SLAIN1: variants seen among roughly 807,000 people sequenced by gnomAD.
SLAIN1 encodes SLAIN family member 1, also known as SLAIN motif-containing protein 1.
SLAIN1 carries 17 observed loss-of-function variants against 55.4 expected under a neutral mutation model. That is an observed-to-expected ratio of 0.31 (90% confidence interval 0.21 to 0.46). SLAIN1 has a LOEUF of 0.46. SLAIN1 is among the 20% of genes least tolerant of loss of function. SLAIN1 has a pLI of 1.00. For missense variants in SLAIN1, 682 were observed against 785.1 expected (o/e 0.87, Z 1.57); for synonymous variants, 348 against 337.4 (o/e 1.03, Z -0.35).
intron 4 of SLAIN1, among the ~76,000 whole-genome samples, chr13:77,748,694 A>C (rs1874008796): frequency 6.6e-6 from 1 of 152,158 alleles, no homozygotes; most frequent in Admixed American, 6.6e-5. Context: ...TAGTTTTCAC[A>C]ATACAAGAAA....
At chr13:77,708,947 G>A (rs1187569950) in intron 1 of SLAIN1, among the ~76,000 whole-genome samples, 2 of 151,936 alleles carry the variant, frequency 1.3e-5, no homozygotes, top group Non-Finnish European at 2.9e-5. Flanking sequence ...TTCAGAAGGT[G>A]GGTAATAACA....
chr13:77,737,010 C>T (rs1873153313), intron 2 of SLAIN1, among the ~76,000 whole-genome samples: 1 of 152,064 alleles, frequency 6.6e-6, no homozygotes, highest in South Asian at 2.1e-4. Flanking sequence ...CTGTTTGTCT[C>T]TCTAGCCCTC....
chr13:77,735,920 T>C (rs1040541933), intron 2 of SLAIN1, among the ~76,000 whole-genome samples: 1 of 152,098 alleles, frequency 6.6e-6, no homozygotes, highest in African/African-American at 2.4e-5. Flanking sequence ...TGGTTTTTTT[T>C]TTCCTCTTAA....
At chr13:77,743,213 C>T (rs1342402011) in intron 2 of SLAIN1, 5 of 1,233,450 alleles carry the variant, frequency 4.1e-6, no homozygotes, top group Non-Finnish European at 5.3e-6. Context: ...AATTCAGTTA[C>T]TAAACACGGC....
intron 2 of SLAIN1, among the ~76,000 whole-genome samples, chr13:77,728,162 CT>C (rs2091325305): frequency 6.6e-6 from 1 of 152,130 alleles, no homozygotes; most frequent in Non-Finnish European, 1.5e-5. Context: ...GCCCATCTTT[CT>C]AACCCCCCTC....
At chr13:77,730,675 T>A (rs1872813750) in intron 2 of SLAIN1, among the ~76,000 whole-genome samples, 1 of 152,208 alleles carries the variant, frequency 6.6e-6, no homozygotes. Context: ...TTTTCTACTG[T>A]CATAGTTGTA....
rs546889264 is a variant in SLAIN1, at chr13:77,741,601, A to G, written c.767-2682A>G. ...CTTAAGGAAAAGATATTTTTAATGT[A>G]ATTGTTAGAATGTGTTGGTACGTAA... On this transcript the variant is annotated intron_variant, in intron 2 of 6. Coordinates refer to ENST00000418532, the MANE Select transcript of SLAIN1 (RefSeq NM_001242868.2). The G allele has an allele frequency of 5.3e-5, 10 of 188,962 alleles. No homozygotes were observed. The South Asian group carries it at 1.8e-3, about 34-fold the overall frequency. The allele number at this position is 188,962 out of a possible 1,614,324, so 11.7% of individuals were successfully genotyped here.
intron 2 of SLAIN1, among the ~76,000 whole-genome samples, chr13:77,737,416 TG>T (rs1566235886): frequency 6.6e-6 from 1 of 152,160 alleles, no homozygotes; most frequent in African/African-American, 2.4e-5. Context: ...AAATGTAATC[TG>T]ATTATGTCTT....
intron 2 of SLAIN1, among the ~76,000 whole-genome samples, chr13:77,740,882 C>G (rs1193917510): frequency 6.6e-6 from 1 of 152,050 alleles, no homozygotes; most frequent in East Asian, 1.9e-4. Flanking sequence ...CCACTGTAAC[C>G]TTGGGCACTA....
chr13:77,715,374 G>T (rs2091196391), intron 1 of SLAIN1, among the ~76,000 whole-genome samples: 1 of 151,994 alleles, frequency 6.6e-6, no homozygotes, highest in Non-Finnish European at 1.5e-5. Context: ...TTTAGTTTTG[G>T]GTTATGACAA....
chr13:77,763,116 C>T (rs1875182393), intron 6 of SLAIN1, 29 bp from the exon 7 acceptor site: 1 of 1,585,544 alleles, frequency 6.3e-7, no homozygotes. Flanking sequence ...TTAACAATCT[C>T]TCTCTCTGTT....
At chr13:77,761,736 T>C (rs1257292436) in intron 6 of SLAIN1, among the ~76,000 whole-genome samples, 1 of 152,330 alleles carries the variant, frequency 6.6e-6, no homozygotes, top group East Asian at 1.9e-4. Flanking sequence ...AGTAATTTTT[T>C]TTTTTTCCCT....
At chr13:77,709,197 T>C (rs1146912) in intron 1 of SLAIN1, among the ~76,000 whole-genome samples, 25,350 of 151,460 alleles carry the variant, frequency 0.17, 2,492 homozygotes, top group African/African-American at 0.29. Flanking sequence ...AAATAAAGCA[T>C]GAAGACAAGA....
intron 2 of SLAIN1, among the ~76,000 whole-genome samples, chr13:77,728,500 T>C (rs918921330): frequency 2.0e-5 from 3 of 152,226 alleles, no homozygotes; most frequent in South Asian, 2.1e-4. Context: ...TACACAATTA[T>C]ATCCTTGGCT....
chr13:77,699,462 C>T (rs1053979758), intron 1 of SLAIN1, among the ~76,000 whole-genome samples: 1 of 152,128 alleles, frequency 6.6e-6, no homozygotes, highest in Non-Finnish European at 1.5e-5. Flanking sequence ...GGGAGGCTTG[C>T]TGTAGTCCTT....
rs763440353 is a variant in SLAIN1, at chr13:77,746,903, A to G, written c.1258+48A>G. 217 of 1,467,402 alleles carry G rather than the reference A, an allele frequency of 1.5e-4. 2 individuals are homozygous for G. The Admixed American group carries it at 4.3e-3, about 29-fold the overall frequency. 90.9% of individuals were successfully genotyped at this position (1,467,402 alleles called of 1,614,324 possible). ...ATTTGATATGCTTTAATTTTTTTAT[A>G]TGTGGTCAAGAAATGGTTTTTGTGT... is the stretch of plus-strand genomic sequence containing the variant. On this transcript the variant is annotated intron_variant, in intron 4 of 6. Transcript: ENST00000418532.
intron 2 of SLAIN1, among the ~76,000 whole-genome samples, chr13:77,723,031 A>G (rs749448981): frequency 6.6e-6 from 1 of 152,192 alleles, no homozygotes; most frequent in Non-Finnish European, 1.5e-5. Context: ...TACAGGCGTG[A>G]GCCACTGTGC....
Position 77,746,578 on chromosome 13 carries a change from G to T in SLAIN1, c.981G>T (p.Leu327Phe), listed in dbSNP as rs1382783879. The change falls in exon 4 of 7, where the codon TTG becomes TTT. Residue 327 changes from leucine to phenylalanine, a missense_variant. Leu to Phe is a conservative substitution (Grantham distance 22). Transcript: ENST00000418532. Reference sequence around the variant, plus strand: ...CAAGACATAGTTCCAGTGTGTCATTGAGTTCAGGAAAAAAAGGGACATGTA... The same window carrying T: ...CAAGACATAGTTCCAGTGTGTCATTTAGTTCAGGAAAAAAAGGGACATGTA... Reference protein sequence around the residue: ...SVSRHSSSVSLSSGKKGTCSD... With the variant: ...SVSRHSSSVSFSSGKKGTCSD... 1 of 1,613,468 alleles carries T rather than the reference G, an allele frequency of 6.2e-7. No individual in the cohort carries two copies. Among genetic ancestry groups the T allele is most frequent in the Admixed American group, 1.7e-5 (1 of 59,916 alleles).
At chr13:77,745,013 T>C (rs906664104) in intron 3 of SLAIN1, among the ~76,000 whole-genome samples, 9 of 152,028 alleles carry the variant, frequency 5.9e-5, no homozygotes, top group Non-Finnish European at 1.3e-4. Context: ...TCCACACATA[T>C]AACATTTTGA....
Sources: gnomAD v4.1 joint callset for allele counts (sites outside exome capture counted in the v4.1 genomes callset) on GRCh38, gnomAD v4.1.1 for gene constraint, MANE v1.5 for transcripts, NCBI Gene and HGNC (gene_info 2026-07-23, HGNC 2026-07-21) for gene names.